Variants in PCID2 observed in about 807,000 individuals in gnomAD.
The protein encoded by PCID2 is PCI domain-containing protein 2.
In PCID2, 41 loss-of-function variants were observed where a neutral mutation model predicts 61.3. The observed-to-expected ratio is 0.67, with a 90% CI of 0.52 to 0.87. The LOEUF (loss-of-function observed/expected upper bound fraction) is 0.87. PCID2 is among the 40% of genes least tolerant of loss of function. PCID2 has a pLI of 0.00. For synonymous variants in PCID2, 187 were observed against 177.8 expected (o/e 1.05, Z -0.41); for missense variants, 392 against 493.4 (o/e 0.79, Z 1.95).
intron 9 of PCID2, chr13:113,183,640 G>T: frequency 3.0e-6 from 1 of 336,940 alleles, no homozygotes; most frequent in Non-Finnish European, 4.2e-6. Flanking sequence ...GTTGCTTCAT[G>T]TACTTGGGAC....
chr13:113,181,314 C>A, intron 9 of PCID2, 84 bp from the exon 10 acceptor site: 1 of 809,572 alleles, frequency 1.2e-6, no homozygotes, highest in Non-Finnish European at 2.1e-6. Context: ...CCACTGTCTC[C>A]TGATTTAAAA....
At chr13:113,193,613 G>C (rs2038782607) in intron 6 of PCID2, among the ~76,000 whole-genome samples, 1 of 152,054 alleles carries the variant, frequency 6.6e-6, no homozygotes, top group Non-Finnish European at 1.5e-5. Context: ...TATTATTGTT[G>C]CTTTAAAATG....
Position 113,208,654 on chromosome 13 carries a change from G to A in PCID2, c.-20C>T, listed in dbSNP as rs1011625946. On this transcript the variant is annotated 5_prime_UTR_variant, in exon 1 of 14. Transcript: ENST00000337344. Reference sequence around the variant, plus strand: ...CGCCATGGGAGCGCCGCCGAACGGAGAGCGCCACCCCCTACGCCTCAAGCG... The same window carrying A: ...CGCCATGGGAGCGCCGCCGAACGGAAAGCGCCACCCCCTACGCCTCAAGCG... The A allele has an allele frequency of 1.4e-5, 22 of 1,604,030 alleles. No individual in the cohort carries two copies. Among genetic ancestry groups the A allele is most frequent in the Non-Finnish European group, 1.6e-5 (19 of 1,176,190 alleles).
chr13:113,204,566 CACCT>C (rs1267538449), intron 1 of PCID2, among the ~76,000 whole-genome samples: 1 of 152,172 alleles, frequency 6.6e-6, no homozygotes, highest in Non-Finnish European at 1.5e-5. Context: ...TGCTTGGCCA[CACCT>C]ACCTGGGCTG....
intron 13 of PCID2, among the ~76,000 whole-genome samples, chr13:113,178,733 C>T (rs1193783095): frequency 6.6e-6 from 1 of 152,118 alleles, no homozygotes; most frequent in Non-Finnish European, 1.5e-5. Context: ...GTTGGAGAAT[C>T]GACAGATACC....
At chr13:113,196,151 G>T (rs2038994490) in intron 5 of PCID2, 30 bp downstream of exon 5, 7 of 1,568,946 alleles carry the variant, frequency 4.5e-6, no homozygotes, top group Non-Finnish European at 6.1e-6. Flanking sequence ...ATTGCCATTT[G>T]CTAATTCAGC....
At position 113,184,449 on chromosome 13, in the gene PCID2, T is replaced by G; in HGVS notation, c.582A>C (p.Ala194=). 2.5e-6 allele frequency: 4 copies of G among 1,591,828 alleles called. No individual in the cohort carries two copies. Among genetic ancestry groups the G allele is most frequent in the Non-Finnish European group, 2.6e-6 (3 of 1,159,544 alleles). ...CGTCTTTCAGGTTTGAGCTGTCAAT[T>G]GCTCTAATTAGGGGTTTACATAAAT... is the stretch of plus-strand genomic sequence containing the variant. ...KLHLCKPLIR[A]IDSSNLKDDY... The change falls in exon 9 of 14, where the codon GCA becomes GCC. Residue 194 remains alanine, a synonymous_variant. Transcript: ENST00000337344.
intron 6 of PCID2, among the ~76,000 whole-genome samples, chr13:113,193,649 A>G (rs749110833): frequency 2.6e-4 from 40 of 152,322 alleles, no homozygotes; most frequent in Admixed American, 5.2e-4. Context: ...TTTCTAATTA[A>G]AATTTCTAAT....
At chr13:113,184,598 A>AT in intron 8 of PCID2, 111 bp from the exon 9 acceptor site, 1 of 658,206 alleles carries the variant, frequency 1.5e-6, no homozygotes. Flanking sequence ...CTATTATATC[A>AT]TAACAATTAT....
intron 9 of PCID2, among the ~76,000 whole-genome samples, chr13:113,181,998 G>A (rs991478243): frequency 6.6e-5 from 10 of 152,202 alleles, no homozygotes; most frequent in Admixed American, 6.5e-4. Flanking sequence ...TTCTCCCTAG[G>A]TGAAGAGAAG....
At chr13:113,208,205 T>A (rs2040074688) in intron 1 of PCID2, 4 of 1,545,356 alleles carry the variant, frequency 2.6e-6, no homozygotes, top group Non-Finnish European at 2.6e-6. Context: ...TCATCCCGCA[T>A]CCTGCTGGGA....
Position 113,179,207 on chromosome 13 carries a change from T to C in PCID2, c.987-118A>G. ...AAAGGAGTAAAAAAATTCCCACCTA[T>C]TAGATAAACTCTAAACTACACTCTC... On this transcript the variant is annotated intron_variant, in intron 12 of 13. Coordinates refer to ENST00000337344, the MANE Select transcript of PCID2 (RefSeq NM_001127202.4). This position sits in a 1 kb window ranked among gnomAD's most constrained non-coding sequence, Gnocchi z 4.3. 3 of 731,736 alleles carry C rather than the reference T, an allele frequency of 4.1e-6. No individual in the cohort carries two copies. Among genetic ancestry groups the C allele is most frequent in the Non-Finnish European group, 6.5e-6 (3 of 461,238 alleles). The allele number at this position is 731,736 out of a possible 1,614,324, so 45.3% of individuals were successfully genotyped here. A position where few individuals can be genotyped will look rare whatever the true frequency, so the allele number is the denominator to read the frequency against.
intron 7 of PCID2, 51 bp downstream of exon 7, chr13:113,190,821 T>A (rs375511498): frequency 1.9e-5 from 21 of 1,132,354 alleles, no homozygotes; most frequent in Admixed American, 1.7e-4. Context: ...AACGCTGCAA[T>A]GAAAACACCA....
At position 113,183,427 on chromosome 13, in the gene PCID2, T is replaced by G. The variant is rs576432298; in HGVS notation, c.685+919A>C. Among the ~76,000 whole-genome samples, 12 of 151,868 alleles carry G rather than the reference T, an allele frequency of 7.9e-5. No individual in the cohort carries two copies. In the South Asian group the frequency reaches 2.3e-3, roughly 29 times the overall value. On this transcript the variant is annotated intron_variant, in intron 9 of 13. Coordinates refer to ENST00000337344, the MANE Select transcript of PCID2 (RefSeq NM_001127202.4). ...AGCTTCTCTACCTTTATGCTTCATA[T>G]TAAGAGAAAAAAAAAGAGACAGATA...
intron 1 of PCID2, among the ~76,000 whole-genome samples, chr13:113,204,955 G>T (rs574792153): frequency 2.0e-5 from 3 of 152,174 alleles, no homozygotes; most frequent in Non-Finnish European, 4.4e-5. Flanking sequence ...CTCACCAGGG[G>T]ATGCTCCCTG....
downstream of PCID2, among the ~76,000 whole-genome samples, chr13:113,176,151 G>A (rs1002146303): frequency 1.6e-4 from 24 of 152,216 alleles, no homozygotes; most frequent in African/African-American, 5.1e-4. Flanking sequence ...CCTGCGCCGC[G>A]CGGCCCGGAG....
Position 113,208,657 on chromosome 13 carries a change from C to A in PCID2, c.-23G>T. 1 of 1,602,832 alleles carries A rather than the reference C, an allele frequency of 6.2e-7. No homozygotes were observed. The highest frequency in any genetic ancestry group is 8.5e-7 in the Non-Finnish European group (1 of 1,175,574). ...CATGGGAGCGCCGCCGAACGGAGAG[C>A]GCCACCCCCTACGCCTCAAGCGGGC... On this transcript the variant is annotated 5_prime_UTR_variant, in exon 1 of 14. Transcript: ENST00000337344.
rs1002817201 is a variant in PCID2, at chr13:113,185,422, T to C, written c.543+63A>G. 2.8e-5 allele frequency: 30 copies of C among 1,079,740 alleles called. No homozygotes were observed. In the Middle Eastern group the frequency reaches 6.0e-4, roughly 21 times the overall value. 66.9% of individuals were successfully genotyped at this position (1,079,740 alleles called of 1,614,324 possible). A position where few individuals can be genotyped will look rare whatever the true frequency, so the allele number is the denominator to read the frequency against. On this transcript the variant is annotated intron_variant, in intron 8 of 13. Coordinates refer to ENST00000337344, the MANE Select transcript of PCID2 (RefSeq NM_001127202.4). Reference sequence around the variant, plus strand: ...GGGAGGCTAGCTGATATATATATGATATGTGGGAAGCCCAGGACAATCGAA... The same window carrying C: ...GGGAGGCTAGCTGATATATATATGACATGTGGGAAGCCCAGGACAATCGAA...
At chr13:113,166,741 C>A in the PCID2 span, among the ~76,000 whole-genome samples, 1,527 of 152,304 alleles carry the variant, frequency 0.01, 38 homozygotes, top group African/African-American at 0.035. Context: ...TCGCTGTCTG[C>A]CCCATGAGTG....
Sources: gnomAD v4.1 joint callset for allele counts (sites outside exome capture counted in the v4.1 genomes callset) on GRCh38, gnomAD v4.1.1 for gene constraint, Gnocchi (gnomAD v3.1) non-coding constraint, MANE v1.5 for transcripts, NCBI Gene and HGNC (gene_info 2026-07-23, HGNC 2026-07-21) for gene names.